The following STIM1 variants were observed in gnomAD, a reference collection of about 807,000 sequenced individuals.
STIM1 encodes the protein stromal interaction molecule 1.
STIM1 carries 25 observed loss-of-function variants against 74.7 expected under a neutral mutation model. The ratio of observed to expected loss-of-function variants is 0.33; its 90% CI spans 0.24 to 0.47. The LOEUF (loss-of-function observed/expected upper bound fraction) is 0.47, where lower values mean the gene tolerates loss of function less well. Ranked by LOEUF, STIM1 falls within the 20% of genes least tolerant of loss-of-function variation. The probability of loss-of-function intolerance (pLI) is 1.00; values close to 1 mark genes in which losing one functional copy is unlikely to be tolerated. For synonymous variants in STIM1, 328 were observed against 348.8 expected (o/e 0.94, Z 0.66); for missense variants, 728 against 920.8 (o/e 0.79, Z 2.71).
Position 3,967,584 on chromosome 11 carries a change from A to G in STIM1, c.172A>G (p.Ser58Gly). The G allele has an allele frequency of 6.2e-7, 1 of 1,614,200 alleles. No homozygotes were observed. The highest frequency in any genetic ancestry group is 8.5e-7 in the Non-Finnish European group (1 of 1,180,032). ...FCRIDKPLCH[S>G]EDEKLSFEAV... ...CCGAATTGACAAGCCCCTGTGTCAC[A>G]GTGAGGATGAGAAACTCAGCTTCGA... is the stretch of plus-strand genomic sequence containing the variant. Residue 58 changes from serine to glycine, a missense_variant, in exon 2 of 13, where the codon AGT becomes GGT. By Grantham distance (56) the Ser-to-Gly change is moderately conservative (BLOSUM62 0). Coordinates refer to ENST00000526596, the MANE Select transcript of STIM1 (RefSeq NM_001382567.1).
At chr11:3,878,861 C>T (rs1282826930) in intron 1 of STIM1, among the ~76,000 whole-genome samples, 1 of 152,172 alleles carries the variant, frequency 6.6e-6, no homozygotes, top group Non-Finnish European at 1.5e-5. Flanking sequence ...CCTATCTTCC[C>T]CCGACAGTTT....
intron 3 of STIM1, among the ~76,000 whole-genome samples, chr11:4,042,170 C>T (rs1347930843): frequency 6.6e-6 from 1 of 152,236 alleles, no homozygotes; most frequent in Non-Finnish European, 1.5e-5. Flanking sequence ...AGTGTTTGCC[C>T]TGGCACATCC....
chr11:3,990,558 T>A (rs760614360), intron 2 of STIM1, among the ~76,000 whole-genome samples: 68 of 152,228 alleles, frequency 4.5e-4, no homozygotes, highest in Non-Finnish European at 6.5e-4. Context: ...CATTTTTACA[T>A]TCCTGCCAGC....
chr11:3,901,563 A>C (rs1292357096), intron 1 of STIM1, among the ~76,000 whole-genome samples: 1 of 152,194 alleles, frequency 6.6e-6, no homozygotes, highest in African/African-American at 2.4e-5. Flanking sequence ...TATGTGTCAG[A>C]AAATCTCCTA....
intron 1 of STIM1, among the ~76,000 whole-genome samples, chr11:3,899,912 G>A (rs533978044): frequency 6.6e-5 from 10 of 151,898 alleles, no homozygotes; most frequent in East Asian, 1.9e-4. Context: ...TACTGGATTC[G>A]GTTTGCCAGT....
intron 1 of STIM1, among the ~76,000 whole-genome samples, chr11:3,895,634 C>T (rs2092054057): frequency 1.4e-4 from 1 of 6,966 alleles, no homozygotes; most frequent in African/African-American, 3.0e-4. Context: ...TTCTTTCTTT[C>T]TTTCTTTCTT....
At chr11:3,982,867 C>T (rs2093519983) in intron 2 of STIM1, among the ~76,000 whole-genome samples, 1 of 152,194 alleles carries the variant, frequency 6.6e-6, no homozygotes, top group Admixed American at 6.5e-5. Flanking sequence ...TAGCCCAGCC[C>T]ATAACAATCC....
chr11:3,856,425 G>A lies in STIM1; in HGVS notation c.139+16G>A, dbSNP rs754570282. 3.1e-6 allele frequency: 5 copies of A among 1,611,260 alleles called. No individual in the cohort carries two copies. In the Admixed American group the frequency reaches 5.0e-5, roughly 16 times the overall value. ...ACTGCAGCAGGTAAGGCCTTGCTGC[G>A]GGCTGGACTGGGCTGGAGGCTTTGG... On this transcript the variant is annotated intron_variant, in intron 1 of 12. Transcript: ENST00000526596.
chr11:4,020,099 C>T (rs1165092745), intron 2 of STIM1, among the ~76,000 whole-genome samples: 1 of 152,268 alleles, frequency 6.6e-6, no homozygotes, highest in East Asian at 1.9e-4. Flanking sequence ...CGAGGCACAT[C>T]CATGTTGCCA....
chr11:3,858,297 C>T (rs1174820821), intron 1 of STIM1, among the ~76,000 whole-genome samples: 1 of 151,514 alleles, frequency 6.6e-6, no homozygotes, highest in Non-Finnish European at 1.5e-5. Flanking sequence ...TCCTCAGGAC[C>T]ACCCCATGAC....
intron 2 of STIM1, among the ~76,000 whole-genome samples, chr11:3,970,578 C>T (rs913356480): frequency 1.8e-4 from 27 of 150,330 alleles, no homozygotes; most frequent in African/African-American, 6.6e-4. Context: ...TTTTATTCCA[C>T]TTACATGAAT....
At chr11:3,908,055 T>C (rs2092496633) in intron 1 of STIM1, among the ~76,000 whole-genome samples, 2 of 152,226 alleles carry the variant, frequency 1.3e-5, no homozygotes, top group African/African-American at 4.8e-5. Flanking sequence ...GGCATATTTA[T>C]TGGTCAGGCC....
chr11:3,959,383 A>T (rs1271566617), intron 1 of STIM1, among the ~76,000 whole-genome samples: 1 of 152,214 alleles, frequency 6.6e-6, no homozygotes, highest in African/African-American at 2.4e-5. Context: ...TGTATTCAAG[A>T]ATTCCCTTGA....
intron 1 of STIM1, among the ~76,000 whole-genome samples, chr11:3,932,833 G>T (rs1390618064): frequency 2.0e-5 from 3 of 152,138 alleles, no homozygotes; most frequent in African/African-American, 7.2e-5. Flanking sequence ...CTAGCCTCTA[G>T]AATTGTGAAA....
chr11:4,001,470 C>T (rs1590636239), intron 2 of STIM1, among the ~76,000 whole-genome samples: 2 of 152,190 alleles, frequency 1.3e-5, no homozygotes, highest in Non-Finnish European at 2.9e-5. Flanking sequence ...CCCAGAATTT[C>T]ATATCCAGCC....
rs567044484 is a variant in STIM1, at chr11:4,047,407, G to A, written c.386-8119G>A. ...AAGGTGGGAGGATCACTTGAGGCCA[G>A]GAGTCTGAGACCAACCTGGACAACA... is the stretch of plus-strand genomic sequence containing the variant. On this transcript the variant is annotated intron_variant, in intron 3 of 12. Coordinates refer to ENST00000526596, the MANE Select transcript of STIM1 (RefSeq NM_001382567.1). Among the ~76,000 whole-genome samples, 9 of 152,284 alleles carry A rather than the reference G, an allele frequency of 5.9e-5. No homozygotes were observed. The South Asian group carries it at 1.9e-3, about 32-fold the overall frequency.
At chr11:3,899,300 T>G (rs1321157431) in intron 1 of STIM1, among the ~76,000 whole-genome samples, 3 of 152,180 alleles carry the variant, frequency 2.0e-5, no homozygotes, top group Non-Finnish European at 2.9e-5. Context: ...AGTTCACTCA[T>G]GATTTGGCTC....
At chr11:3,919,099 T>C (rs2092686400) in intron 1 of STIM1, among the ~76,000 whole-genome samples, 1 of 152,194 alleles carries the variant, frequency 6.6e-6, no homozygotes, top group African/African-American at 2.4e-5. Flanking sequence ...TTCTGACATT[T>C]TATAATAGAG....
At chr11:4,019,836 A>AAATTTATTTG (rs2093939180) in intron 2 of STIM1, among the ~76,000 whole-genome samples, 2 of 152,200 alleles carry the variant, frequency 1.3e-5, no homozygotes, top group Non-Finnish European at 2.9e-5. Flanking sequence ...TGAAATATAC[A>AAATTTATTTG]CTATATTATT....
Sources: gnomAD v4.1 joint callset for allele counts (sites outside exome capture counted in the v4.1 genomes callset) on GRCh38, gnomAD v4.1.1 for gene constraint, MANE v1.5 for transcripts, NCBI Gene and HGNC (gene_info 2026-07-23, HGNC 2026-07-21) for gene names.